Variants in ANKS1A observed in about 807,000 individuals in gnomAD.
ANKS1A encodes the protein ankyrin repeat and sterile alpha motif domain containing 1A.
A neutral mutation model predicts 120.3 loss-of-function variants in ANKS1A; 55 were observed. That is an observed-to-expected ratio of 0.46 (90% CI 0.37 to 0.57). The LOEUF is 0.57. Ranked by LOEUF, ANKS1A falls within the 20% of genes least tolerant of loss-of-function variation. The pLI is 0.00. For missense variants in ANKS1A, 1,123 were observed against 1,480.3 expected (o/e 0.76, Z 3.96); for synonymous variants, 590 against 604.7 (o/e 0.98, Z 0.36).
chr6:35,075,421 T>A (rs1321850657), intron 13 of ANKS1A, among the ~76,000 whole-genome samples: 1 of 149,930 alleles, frequency 6.7e-6, no homozygotes, highest in Non-Finnish European at 1.5e-5. Context: ...TTTTCTTTTT[T>A]TTTTTTTTTT....
intron 11 of ANKS1A, among the ~76,000 whole-genome samples, chr6:35,026,843 G>A (rs1288009133): frequency 6.6e-6 from 1 of 151,792 alleles, no homozygotes; most frequent in Non-Finnish European, 1.5e-5. Context: ...TCTCATCTTG[G>A]TTTTTTTCCT....
chr6:34,974,298 C>T (rs1771428850), intron 3 of ANKS1A, among the ~76,000 whole-genome samples: 1 of 49,922 alleles, frequency 2.0e-5, no homozygotes, highest in Non-Finnish European at 3.9e-5. Context: ...CCTTCCCTTC[C>T]CCTTCCCTTT....
intron 11 of ANKS1A, among the ~76,000 whole-genome samples, chr6:35,032,114 A>C (rs184196250): frequency 6.6e-6 from 1 of 152,356 alleles, no homozygotes; most frequent in Admixed American, 6.5e-5. Flanking sequence ...GATATTAAGC[A>C]AGTACAAATA....
intron 3 of ANKS1A, among the ~76,000 whole-genome samples, chr6:34,981,471 T>C (rs553575399): frequency 5.9e-5 from 9 of 152,358 alleles, no homozygotes; most frequent in African/African-American, 2.2e-4. Flanking sequence ...GTTTAAGAGA[T>C]GACTTCTCCC....
chr6:35,063,375 G>A (rs895201589), intron 13 of ANKS1A, among the ~76,000 whole-genome samples: 1 of 152,244 alleles, frequency 6.6e-6, no homozygotes, highest in East Asian at 1.9e-4. Flanking sequence ...TTGTAGCTCC[G>A]GGCGTGCTAG....
intron 1 of ANKS1A, among the ~76,000 whole-genome samples, chr6:34,937,750 A>C (rs1196572708): frequency 6.6e-6 from 1 of 152,212 alleles, no homozygotes; most frequent in Non-Finnish European, 1.5e-5. Flanking sequence ...TTTTGACCTC[A>C]TCTCAAGATT....
chr6:35,056,377 C>T (rs2127588366), intron 12 of ANKS1A, among the ~76,000 whole-genome samples: 1 of 152,378 alleles, frequency 6.6e-6, no homozygotes, highest in East Asian at 1.9e-4. Flanking sequence ...CAAGCTCCGC[C>T]TCCCGGGTTC....
intron 1 of ANKS1A, among the ~76,000 whole-genome samples, chr6:34,899,507 C>A (rs1168536795): frequency 6.6e-6 from 1 of 151,364 alleles, no homozygotes; most frequent in Non-Finnish European, 1.5e-5. Flanking sequence ...AATTAAAAAA[C>A]AAAAAAAATA....
At chr6:34,977,101 T>C (rs1054998861) in intron 3 of ANKS1A, among the ~76,000 whole-genome samples, 1 of 152,216 alleles carries the variant, frequency 6.6e-6, no homozygotes, top group African/African-American at 2.4e-5. Context: ...ATTAATAATA[T>C]GGAACAGTTC....
At chr6:35,033,804 C>T (rs2127572000) in intron 11 of ANKS1A, among the ~76,000 whole-genome samples, 1 of 152,328 alleles carries the variant, frequency 6.6e-6, no homozygotes, top group Non-Finnish European at 1.5e-5. Flanking sequence ...GCATTAACGT[C>T]TCTCTGTGCT....
intron 1 of ANKS1A, among the ~76,000 whole-genome samples, chr6:34,933,434 G>A (rs994816360): frequency 9.2e-5 from 14 of 152,084 alleles, no homozygotes; most frequent in Admixed American, 2.0e-4. Context: ...GCAATGGCGC[G>A]ATCTCGTCTC....
chr6:34,915,743 A>G (rs748459370), intron 1 of ANKS1A, among the ~76,000 whole-genome samples: 1 of 152,144 alleles, frequency 6.6e-6, no homozygotes, highest in African/African-American at 2.4e-5. Flanking sequence ...TGAAAATGTC[A>G]TAATGAAGTG....
intron 7 of ANKS1A, 96 bp from the exon 8 acceptor site, chr6:34,984,986 C>A: frequency 1.8e-6 from 2 of 1,119,558 alleles, no homozygotes; most frequent in Non-Finnish European, 2.6e-6. Context: ...TGTTTGTGAG[C>A]GCGGGTGACT....
intron 10 of ANKS1A, among the ~76,000 whole-genome samples, chr6:35,005,560 AATT>A (rs1773403724): frequency 1.3e-5 from 2 of 152,356 alleles, no homozygotes; most frequent in African/African-American, 4.8e-5. Flanking sequence ...ATTGTTAGGG[AATT>A]ATTGAGATAA....
At chr6:34,972,632 A>T in intron 3 of ANKS1A, 1 of 985,266 alleles carries the variant, frequency 1.0e-6, no homozygotes, top group Non-Finnish European at 1.2e-6. Context: ...TGACCCTTAT[A>T]TCAATGCCAA....
chr6:35,030,691 T>C lies in ANKS1A; in HGVS notation c.2010+12632T>C, dbSNP rs541780990. Among the ~76,000 whole-genome samples, 5 of 152,322 alleles carry C rather than the reference T, an allele frequency of 3.3e-5. No homozygotes were observed. The South Asian group carries it at 1.0e-3, about 32-fold the overall frequency. ...TCCTTTCTCATATCCAGCTAAAATC[T>C]GTGACTTCCACCCCATCAATTCTGG... On this transcript the variant is annotated intron_variant, in intron 11 of 23. Coordinates refer to ENST00000360359, the MANE Select transcript of ANKS1A (RefSeq NM_015245.3).
Position 35,085,648 on chromosome 6 carries a change from G to C in ANKS1A, c.3133-118G>C, listed in dbSNP as rs1195030776. The stretch of plus-strand genomic sequence containing the variant: ...GGGAAAGGAGGGAAGAGTGGAAGGA[G>C]GTAGGAGCGCTCCCGGGTAGACTTA... On this transcript the variant is annotated intron_variant, in intron 21 of 23. Transcript: ENST00000360359. This position sits in a 1 kb window ranked among gnomAD's most constrained non-coding sequence, Gnocchi z 4.7. The C allele has an allele frequency of 2.6e-5, 26 of 1,003,964 alleles. No individual in the cohort carries two copies. The highest frequency in any genetic ancestry group is 3.5e-5 in the Non-Finnish European group (25 of 707,090). 62.2% of individuals were successfully genotyped at this position (1,003,964 alleles called of 1,614,324 possible). A position where few individuals can be genotyped will look rare whatever the true frequency, so the allele number is the denominator to read the frequency against.
At chr6:34,895,829 G>A (rs766742579) in intron 1 of ANKS1A, among the ~76,000 whole-genome samples, 13 of 109,588 alleles carry the variant, frequency 1.2e-4, no homozygotes, top group East Asian at 3.0e-4. Flanking sequence ...TCTCTCTCTC[G>A]CCCAGGCTGG....
Position 35,089,956 on chromosome 6 carries a change from G to C in ANKS1A, c.*1347G>C. On this transcript the variant is annotated 3_prime_UTR_variant, in exon 24 of 24. Transcript: ENST00000360359. Reference sequence around the variant, plus strand: ...CACTCCTCTTTCCCAGCCAGCAAAGGCTGTGAATTTGAATTCTTTGTTGGT... The same window carrying C: ...CACTCCTCTTTCCCAGCCAGCAAAGCCTGTGAATTTGAATTCTTTGTTGGT... 8.6e-7 allele frequency: 1 copy of C among 1,165,992 alleles called. No homozygotes were observed. 72.2% of individuals were successfully genotyped at this position (1,165,992 alleles called of 1,614,324 possible).
Sources: gnomAD v4.1 joint callset for allele counts (sites outside exome capture counted in the v4.1 genomes callset) on GRCh38, gnomAD v4.1.1 for gene constraint, Gnocchi (gnomAD v3.1) non-coding constraint, MANE v1.5 for transcripts, NCBI Gene and HGNC (gene_info 2026-07-23, HGNC 2026-07-21) for gene names.